SLC2A14: variants seen among roughly 807,000 people sequenced by gnomAD.
SLC2A14 encodes the protein solute carrier family 2, facilitated glucose transporter member 14.
In SLC2A14, 13 loss-of-function variants were observed where a neutral mutation model predicts 43.0. The observed-to-expected ratio is 0.30, with a 90% CI of 0.20 to 0.48. SLC2A14 has a LOEUF of 0.48. Among genes scored for constraint, SLC2A14 ranks in the 20% least tolerant of loss-of-function variants. The pLI, the probability that SLC2A14 is intolerant of heterozygous loss-of-function variation, is 0.99. For missense variants in SLC2A14, 428 were observed against 620.4 expected (o/e 0.69, Z 3.29); for synonymous variants, 190 against 233.8 (o/e 0.81, Z 1.71).
intron 2 of SLC2A14, among the ~76,000 whole-genome samples, chr12:7,868,351 T>C (rs1945038689): frequency 6.6e-6 from 1 of 152,204 alleles, no homozygotes; most frequent in Non-Finnish European, 1.5e-5. Flanking sequence ...ACATAACTTT[T>C]ATATGCACTG....
At chr12:7,882,122 T>C (rs1241104859) in intron 1 of SLC2A14, among the ~76,000 whole-genome samples, 1 of 152,084 alleles carries the variant, frequency 6.6e-6, no homozygotes, top group Non-Finnish European at 1.5e-5. Context: ...CAATAAGTCT[T>C]GTTGCTGCTC....
intron 1 of SLC2A14, among the ~76,000 whole-genome samples, chr12:7,890,475 G>A (rs1945756764): frequency 6.6e-6 from 1 of 151,740 alleles, no homozygotes; most frequent in Non-Finnish European, 1.5e-5. Flanking sequence ...AGCATCCAGT[G>A]CACTTTTTTC....
upstream of SLC2A14, chr12:7,873,311 C>G (rs776502950): frequency 1.1e-5 from 11 of 985,296 alleles, no homozygotes; most frequent in Admixed American, 5.5e-4. Flanking sequence ...GCGGGCGGGC[C>G]GGCTGGGCTG....
At chr12:7,831,486 G>A (rs1326273490) in intron 4 of SLC2A14, 118 bp downstream of exon 4, 1 of 1,472,448 alleles carries the variant, frequency 6.8e-7, no homozygotes, top group Non-Finnish European at 9.2e-7. Context: ...AGTTTCCCTT[G>A]ATTAGAATTC....
chr12:7,882,561 A>G (rs11056294), intron 1 of SLC2A14, among the ~76,000 whole-genome samples: 20,670 of 152,030 alleles, frequency 0.14, 1,636 homozygotes, highest in African/African-American at 0.21. Flanking sequence ...TAGCGTCGGC[A>G]GTGGCTCACA....
At chr12:7,866,983 C>T (rs1944946871) in intron 2 of SLC2A14, among the ~76,000 whole-genome samples, 2 of 151,462 alleles carry the variant, frequency 1.3e-5, no homozygotes, top group Non-Finnish European at 2.9e-5. Flanking sequence ...CTTTTGTCGC[C>T]CATGCTGGAG....
intron 2 of SLC2A14, among the ~76,000 whole-genome samples, chr12:7,854,821 TA>T (rs1222973609): frequency 1.3e-5 from 2 of 151,596 alleles, no homozygotes; most frequent in African/African-American, 4.9e-5. Context: ...TTTTATTTTT[TA>T]TTTTTTGAGA....
intron 2 of SLC2A14, among the ~76,000 whole-genome samples, chr12:7,841,330 G>A (rs9804968): frequency 0.18 from 26,943 of 151,564 alleles, 2,690 homozygotes; most frequent in East Asian, 0.4. Flanking sequence ...CCATGATCTC[G>A]GCTCACTGCA....
chr12:7,848,036 G>A (rs970490756), intron 2 of SLC2A14, among the ~76,000 whole-genome samples: 2 of 152,096 alleles, frequency 1.3e-5, no homozygotes, highest in East Asian at 1.9e-4. Context: ...AGAGAGACAC[G>A]GTCAGATGAC....
At chr12:7,882,425 G>C (rs1003859829) in intron 1 of SLC2A14, among the ~76,000 whole-genome samples, 11 of 152,090 alleles carry the variant, frequency 7.2e-5, no homozygotes, top group African/African-American at 2.7e-4. Flanking sequence ...AGGGTCCATG[G>C]CTTCATTCTT....
At chr12:7,858,082 G>A (rs776311531) in intron 2 of SLC2A14, among the ~76,000 whole-genome samples, 27 of 151,716 alleles carry the variant, frequency 1.8e-4, no homozygotes, top group African/African-American at 5.8e-4. Flanking sequence ...GGAATGAGCC[G>A]AGATCGTGCC....
In SLC2A14 at chr12:7,839,945, A is replaced by T. The variant is rs1331642506; in HGVS notation, c.19-7131T>A. ...TCTACAAAAAAAAAAAAAAAAAAAA[A>T]AAAAAAAATACAAAAAATTAGTGAG... On this transcript the variant is annotated intron_variant, in intron 2 of 10. Coordinates refer to ENST00000431042, the MANE Select transcript of SLC2A14 (RefSeq NM_001286234.2). 9.7e-5 allele frequency: 38 copies of T among 393,626 alleles called. 1 individual carries two copies. The East Asian group carries it at 2.8e-3, about 29-fold the overall frequency. 24.4% of individuals were successfully genotyped at this position (393,626 alleles called of 1,614,324 possible).
At chr12:7,842,845 C>G (rs1199010530) in intron 2 of SLC2A14, among the ~76,000 whole-genome samples, 2 of 151,864 alleles carry the variant, frequency 1.3e-5, no homozygotes, top group African/African-American at 4.8e-5. Context: ...TCTCCTGCCT[C>G]AGCCTCCCGA....
chr12:7,818,346 G>A, intron 9 of SLC2A14, among the ~76,000 whole-genome samples: 1 of 152,132 alleles, frequency 6.6e-6, no homozygotes, highest in East Asian at 1.9e-4. Flanking sequence ...ACCACACCTG[G>A]CTAATTAAAC....
At chr12:7,888,010 A>T (rs1945715179) in intron 1 of SLC2A14, among the ~76,000 whole-genome samples, 1 of 152,118 alleles carries the variant, frequency 6.6e-6, no homozygotes, top group Non-Finnish European at 1.5e-5. Flanking sequence ...GTTCTCCCAC[A>T]GCACCATGAA....
intron 7 of SLC2A14, among the ~76,000 whole-genome samples, chr12:7,827,063 TTCTC>T (rs1157345006): frequency 1.3e-4 from 12 of 91,140 alleles, no homozygotes; most frequent in East Asian, 8.8e-4. Flanking sequence ...CTCTCTTTCT[TTCTC>T]TCTCTCTCTT....
intron 7 of SLC2A14, among the ~76,000 whole-genome samples, chr12:7,825,977 T>A (rs1299923968): frequency 6.6e-6 from 1 of 151,716 alleles, no homozygotes; most frequent in Non-Finnish European, 1.5e-5. Flanking sequence ...TTCTTTTTTT[T>A]TTTAAACAGG....
chr12:7,840,265 G>A (rs187337193), intron 2 of SLC2A14, among the ~76,000 whole-genome samples: 18 of 147,054 alleles, frequency 1.2e-4, no homozygotes, highest in Admixed American at 4.2e-4. Context: ...CATCTTAGAA[G>A]CAGAGAGCTG....
intron 2 of SLC2A14, chr12:7,850,757 C>G (rs1284224664): frequency 6.6e-6 from 1 of 152,132 alleles, no homozygotes; most frequent in African/African-American, 2.4e-5. Flanking sequence ...GGAGAAGGAA[C>G]AAAGAAAATT....
Sources: allele counts gnomAD v4.1 joint callset (sites outside exome capture counted in the v4.1 genomes callset), GRCh38; gene constraint gnomAD v4.1.1; transcripts MANE v1.5; gene names NCBI Gene and HGNC (gene_info 2026-07-23, HGNC 2026-07-21).